EDRF1: variants seen among roughly 807,000 people sequenced by gnomAD.
EDRF1 encodes erythroid differentiation regulatory factor 1.
In EDRF1, 69 loss-of-function variants were observed where a neutral mutation model predicts 148.7. The observed-to-expected ratio is 0.46, with a 90% CI of 0.38 to 0.57. The LOEUF (loss-of-function observed/expected upper bound fraction) is 0.57. EDRF1 is among the 20% of genes least tolerant of loss of function. EDRF1 has a pLI of 0.00. For synonymous variants in EDRF1, 515 were observed against 532.8 expected, an observed-to-expected ratio of 0.97 and a Z score of 0.46; for missense variants, 1,118 against 1,478.7, an observed-to-expected ratio of 0.76 and a Z score of 4.00.
At chr10:125,742,514 T>G in intron 17 of EDRF1, 2 of 985,442 alleles carry the variant, frequency 2.0e-6, no homozygotes, top group Non-Finnish European at 2.4e-6. Flanking sequence ...TTTCTTCCCC[T>G]CTCTCCGTCT....
chr10:125,735,617 T>C, intron 12 of EDRF1, 27 bp from the exon 13 acceptor site: 2 of 1,606,994 alleles, frequency 1.2e-6, no homozygotes, highest in Non-Finnish European at 1.7e-6. Flanking sequence ...GACAGTAATT[T>C]ACACATATTT....
chr10:125,742,886 A>G (rs939171047), intron 17 of EDRF1, 172 bp from the exon 18 acceptor site: 2 of 854,694 alleles, frequency 2.3e-6, no homozygotes, highest in Non-Finnish European at 2.8e-6. Context: ...AATTTTATAA[A>G]TAAATAGATC....
intron 1 of EDRF1, among the ~76,000 whole-genome samples, chr10:125,720,730 A>G (rs532384498): frequency 6.6e-6 from 1 of 151,768 alleles, no homozygotes; most frequent in African/African-American, 2.4e-5. Context: ...AGAATGGCGT[A>G]AACCCCAGAA....
intron 24 of EDRF1, among the ~76,000 whole-genome samples, chr10:125,756,445 G>A (rs993324317): frequency 2.6e-5 from 4 of 152,306 alleles, no homozygotes; most frequent in African/African-American, 9.6e-5. Context: ...TGTCAGTTAG[G>A]TTAAGCGTGT....
At chr10:125,757,380 A>T (rs1178591114) in intron 24 of EDRF1, among the ~76,000 whole-genome samples, 1 of 152,196 alleles carries the variant, frequency 6.6e-6, no homozygotes, top group African/African-American at 2.4e-5. Context: ...GTAGACTCCC[A>T]ATTCCTTCCT....
chr10:125,759,837 A>C (rs889613221), intron 24 of EDRF1, among the ~76,000 whole-genome samples: 4 of 152,014 alleles, frequency 2.6e-5, no homozygotes, highest in Non-Finnish European at 5.9e-5. Flanking sequence ...CAGCCTCCCG[A>C]GTAGCTGGGA....
intron 24 of EDRF1, chr10:125,761,177 G>C: frequency 2.7e-6 from 1 of 374,412 alleles, no homozygotes; most frequent in Non-Finnish European, 5.2e-6. Flanking sequence ...TAGAATTAGA[G>C]TGAAAGATGC....
intron 24 of EDRF1, among the ~76,000 whole-genome samples, chr10:125,760,142 G>C (rs1001571993): frequency 6.6e-6 from 1 of 152,330 alleles, no homozygotes; most frequent in South Asian, 2.1e-4. Context: ...AGCAGATACT[G>C]CATATGGTAA....
chr10:125,736,911 A>C (rs1018342676), intron 13 of EDRF1, among the ~76,000 whole-genome samples: 1 of 151,974 alleles, frequency 6.6e-6, no homozygotes, highest in Non-Finnish European at 1.5e-5. Context: ...CAAGGAGCCT[A>C]TCTGTTCCTG....
rs1335081082 is a variant in EDRF1 at position 125,738,283 on chromosome 10, C to G, written c.1831-12C>G. 3 of 1,613,588 alleles carry G rather than the reference C, an allele frequency of 1.9e-6. No individual in the cohort carries two copies. In the African/African-American group the frequency reaches 4.0e-5, roughly 22 times the overall value. On this transcript the variant is annotated splice_polypyrimidine_tract_variant and intron_variant, in intron 14 of 24. Coordinates refer to ENST00000356792, the MANE Select transcript of EDRF1 (RefSeq NM_001202438.2). ...GTTAGATAGATAGTGAATGCTTTTC[C>G]TTTTTTTGCAGGGTTTAAAATCTGT...
At chr10:125,756,806 A>G (rs1849920396) in intron 24 of EDRF1, 1 of 430,434 alleles carries the variant, frequency 2.3e-6, no homozygotes, top group Non-Finnish European at 4.6e-6. Context: ...TTTTTTATTT[A>G]CTTATATTTA....
intron 15 of EDRF1, 151 bp downstream of exon 15, chr10:125,738,596 T>A (rs2133711340): frequency 1.0e-6 from 1 of 966,170 alleles, no homozygotes; most frequent in African/African-American, 1.7e-5. Context: ...ATTCTTTCAT[T>A]TGAAATATAA....
chr10:125,748,145 CT>C, intron 21 of EDRF1, 133 bp downstream of exon 21: 1 of 1,070,148 alleles, frequency 9.3e-7, no homozygotes, highest in South Asian at 1.3e-5. Flanking sequence ...AAATTTTCTG[CT>C]GCGTCTGTGC....
intron 15 of EDRF1, among the ~76,000 whole-genome samples, chr10:125,739,888 T>C (rs1488619992): frequency 2.6e-5 from 4 of 152,162 alleles, no homozygotes; most frequent in Non-Finnish European, 5.9e-5. Context: ...AAAATGATCA[T>C]TTGTTGAGTA....
At chr10:125,748,109 C>A in intron 21 of EDRF1, 97 bp downstream of exon 21, 1 of 1,442,612 alleles carries the variant, frequency 6.9e-7, no homozygotes, top group Non-Finnish European at 9.7e-7. Flanking sequence ...TCTTCCTTGA[C>A]GTCCACTCAG....
chr10:125,741,382 A>C (rs938165012), intron 17 of EDRF1, 181 bp downstream of exon 17: 1 of 685,010 alleles, frequency 1.5e-6, no homozygotes, highest in Non-Finnish European at 2.6e-6. Flanking sequence ...CAATGGTGCA[A>C]TCTTGGCTCA....
chr10:125,748,192 G>T, intron 21 of EDRF1, 180 bp downstream of exon 21: 2 of 721,288 alleles, frequency 2.8e-6, no homozygotes, highest in Admixed American at 2.1e-5. Flanking sequence ...CAATATGTCC[G>T]CATTGTGCTC....
chr10:125,721,694 C>T (rs923313044), intron 2 of EDRF1, among the ~76,000 whole-genome samples: 1 of 152,226 alleles, frequency 6.6e-6, no homozygotes, highest in African/African-American at 2.4e-5. Flanking sequence ...TTCATTTTAG[C>T]CAATTTGCAT....
In EDRF1 at chr10:125,723,763, C is replaced by T. The variant is rs376444749; in HGVS notation, c.385-48C>T. The T allele has an allele frequency of 7.7e-6, 12 of 1,556,790 alleles. No individual in the cohort carries two copies. The African/African-American group carries it at 1.5e-4, about 19-fold the overall frequency. ...AGCTAAAATTTAAAAGATTCCAAAT[C>T]ACACTAAAACAGTCTTTCTAAACTA... is the stretch of plus-strand genomic sequence containing the variant. On this transcript the variant is annotated intron_variant, in intron 3 of 24. Coordinates refer to ENST00000356792, the MANE Select transcript of EDRF1 (RefSeq NM_001202438.2).
Sources: allele counts gnomAD v4.1 joint callset (sites outside exome capture counted in the v4.1 genomes callset), GRCh38; gene constraint gnomAD v4.1.1; transcripts MANE v1.5; gene names NCBI Gene and HGNC (gene_info 2026-07-23, HGNC 2026-07-21).